The following KCTD4 variants were observed in gnomAD, a reference collection of about 807,000 sequenced individuals.
KCTD4 encodes potassium channel tetramerization domain containing 4, also known as BTB/POZ domain-containing protein KCTD4.
A neutral mutation model predicts 18.3 loss-of-function variants in KCTD4; 12 were observed. The observed-to-expected ratio is 0.66, with a 90% CI of 0.42 to 1.06. The LOEUF (loss-of-function observed/expected upper bound fraction) is 1.06. Ranked by LOEUF, KCTD4 falls within the 50% of genes least tolerant of loss-of-function variation. The probability of loss-of-function intolerance (pLI) is 0.00; values close to 1 mark genes in which losing one functional copy is unlikely to be tolerated. For synonymous variants in KCTD4, 124 were observed against 110.5 expected (o/e 1.12, Z -0.76); for missense variants, 250 against 303.4 (o/e 0.82, Z 1.31).
rs1368919391 is a variant in KCTD4, at chr13:45,193,496, T to C, written c.*292A>G. The C allele has an allele frequency of 7.1e-6, 2 of 282,894 alleles. No individual in the cohort carries two copies. The highest frequency in any genetic ancestry group is 1.3e-5 in the Non-Finnish European group (2 of 152,172). The allele number at this position is 282,894 out of a possible 1,614,324, so 17.5% of individuals were successfully genotyped here. On this transcript the variant is annotated 3_prime_UTR_variant, in exon 2 of 2. Transcript: ENST00000379108. ...GTGCAAATACCCAAGACAATCTGAA[T>C]TGAAAGACAGCTTAAGGACAAATAA...
chr13:45,199,061 A>G (rs925928284), intron 1 of KCTD4, among the ~76,000 whole-genome samples: 1 of 152,234 alleles, frequency 6.6e-6, no homozygotes, highest in Non-Finnish European at 1.5e-5. Context: ...CAGCCACTTT[A>G]TGTAACTGAT....
intron 1 of KCTD4, among the ~76,000 whole-genome samples, chr13:45,196,194 T>A (rs1384992219): frequency 6.6e-6 from 1 of 152,220 alleles, no homozygotes; most frequent in African/African-American, 2.4e-5. Context: ...ACTAGAAAAC[T>A]AAGGCATAAT....
rs1268046971 is a variant in KCTD4, at chr13:45,194,407, TACTTGGTC to T, written c.153_160del (p.Thr52ProfsTer6). The T allele has an allele frequency of 6.2e-7, 1 of 1,614,086 alleles. No homozygotes were observed. The highest frequency in any genetic ancestry group is 8.5e-7 in the Non-Finnish European group (1 of 1,180,034). On this transcript the variant is annotated frameshift_variant, in exon 2 of 2. Transcript: ENST00000379108. LOFTEE classifies it high-confidence loss of function. ...TATACCTTCAAGGAAAGTGTCTGGG[TACTTGGTC>T]AGTGTTTGTTTTTGAGTAATGTATA...
At position 45,195,679 on chromosome 13, in the gene KCTD4, G is replaced by A. The variant is rs565907614; in HGVS notation, c.-187-925C>T. ...TTTCCCCTATAACTTCCCTTCCAAA[G>A]CAATTTAGGGTTCTGAGGTTTCACT... On this transcript the variant is annotated intron_variant, in intron 1 of 1. Transcript: ENST00000379108. Among the ~76,000 whole-genome samples the A allele has an allele frequency of 2.3e-3, 343 of 152,162 alleles. 3 individuals carry two copies. The highest frequency in any genetic ancestry group is 0.022 in the South Asian group (105 of 4,824).
intron 1 of KCTD4, among the ~76,000 whole-genome samples, chr13:45,197,940 C>T (rs1872982943): frequency 6.6e-6 from 1 of 152,166 alleles, no homozygotes; most frequent in Non-Finnish European, 1.5e-5. Flanking sequence ...TCCACTTGGC[C>T]ACTAGATTTG....
chr13:45,194,176 T>A lies in KCTD4; in HGVS notation c.392A>T (p.Glu131Val), dbSNP rs1267424827. 5 of 1,614,036 alleles carry A rather than the reference T, an allele frequency of 3.1e-6. No individual in the cohort carries two copies. Among genetic ancestry groups the A allele is most frequent in the African/African-American group, 2.7e-5 (2 of 74,918 alleles). Reference sequence around the variant, plus strand: ...CTCTCTGGGTGTTAGCTGTTCTTTCTCCCACCTGGATTTCACTTCCTCTGC... The same window carrying A: ...CTCTCTGGGTGTTAGCTGTTCTTTCACCCACCTGGATTTCACTTCCTCTGC... ...GLAEEVKSRW[E>V]KEQLTPRETT... is the part of the protein sequence containing the mutation. Residue 131 changes from glutamate (E) to valine (V), a missense_variant, in exon 2 of 2, where the codon GAG becomes GTG. Transcript: ENST00000379108.
chr13:45,200,344 A>G (rs892479208), intron 1 of KCTD4, among the ~76,000 whole-genome samples: 1 of 152,160 alleles, frequency 6.6e-6, no homozygotes, highest in Admixed American at 6.6e-5. Flanking sequence ...ATTTTTTGAT[A>G]CAGGGTCTTG....
In KCTD4 at chr13:45,194,617, A is replaced by T; in HGVS notation, c.-50T>A. On this transcript the variant is annotated 5_prime_UTR_variant, in exon 2 of 2. Transcript: ENST00000379108. Reference sequence around the variant, plus strand: ...GTTCTTCTTGGCTTTGAGATTTTTTAAAAAGAGACACTACCACACAAGCAC... The same window carrying T: ...GTTCTTCTTGGCTTTGAGATTTTTTTAAAAGAGACACTACCACACAAGCAC... 1 of 1,507,508 alleles carries T rather than the reference A, an allele frequency of 6.6e-7. No homozygotes were observed. The highest frequency in any genetic ancestry group is 9.0e-7 in the Non-Finnish European group (1 of 1,106,388). 93.4% of individuals were successfully genotyped at this position (1,507,508 alleles called of 1,614,324 possible). A position where few individuals can be genotyped will look rare whatever the true frequency, so the allele number is the denominator to read the frequency against.
In KCTD4 at chr13:45,193,133, T is replaced by A. The variant is rs1462849596; in HGVS notation, c.*655A>T. On this transcript the variant is annotated 3_prime_UTR_variant, in exon 2 of 2. Transcript: ENST00000379108. ...CAGTGCTTTTATTTACTTTTTATTG[T>A]CATCAAGCAGTTTTCTAGGAATTTT... 1.3e-5 allele frequency: 2 copies of A among 152,244 alleles called. No homozygotes were observed. The highest frequency in any genetic ancestry group is 4.8e-5 in the African/African-American group (2 of 41,462). The allele number at this position is 152,244 out of a possible 1,614,324, so 9.4% of individuals were successfully genotyped here.
rs533478138 is a variant in KCTD4, at chr13:45,193,923, G to A, written c.645C>T (p.Thr215=). The change falls in exon 2 of 2, where the codon ACC becomes ACT. Residue 215 remains threonine, a synonymous_variant. Coordinates refer to ENST00000379108, the MANE Select transcript of KCTD4 (RefSeq NM_198404.3). ...GTRLVLKEDN[T]FVCTLETLKF... ...TAAGAGTTTCCAAGGTACAGACAAA[G>A]GTGTTGTCTTCCTTTAGTACAAGTC... is the stretch of plus-strand genomic sequence containing the variant. 1.7e-4 allele frequency: 275 copies of A among 1,614,040 alleles called. 5 individuals are homozygous for A. In the Admixed American group the frequency reaches 4.5e-3, roughly 27 times the overall value.
intron 1 of KCTD4, among the ~76,000 whole-genome samples, chr13:45,195,861 G>T (rs1198147910): frequency 6.6e-6 from 1 of 152,108 alleles, no homozygotes; most frequent in African/African-American, 2.4e-5. Flanking sequence ...TTGCCATGTT[G>T]CCCAGACGGG....
intron 1 of KCTD4, among the ~76,000 whole-genome samples, chr13:45,200,046 G>A (rs1391716938): frequency 1.3e-5 from 2 of 151,624 alleles, no homozygotes; most frequent in African/African-American, 4.9e-5. Flanking sequence ...CTATAACTGA[G>A]GTACATCTTA....
Position 45,193,866 on chromosome 13 carries a change from A to C in KCTD4, c.702T>G (p.Cys234Trp). ...KFEAIMMALK[C>W]GFRLLTSLDC... ...CCAGGCTGGTCAGCAGTCTAAAGCC[A>C]CACTTTAAAGCCATCATGATAGCCT... The change falls in exon 2 of 2, where the codon TGT becomes TGG. Residue 234 changes from cysteine (C) to tryptophan (W), a missense_variant. By Grantham distance (215) the Cys-to-Trp change is radical. Coordinates refer to ENST00000379108, the MANE Select transcript of KCTD4 (RefSeq NM_198404.3). 2 of 1,614,144 alleles carry C rather than the reference A, an allele frequency of 1.2e-6. No individual in the cohort carries two copies. The highest frequency in any genetic ancestry group is 1.7e-6 in the Non-Finnish European group (2 of 1,179,988).
chr13:45,200,643 A>C (rs1873136524), intron 1 of KCTD4, among the ~76,000 whole-genome samples, 181 bp downstream of exon 1: 1 of 152,202 alleles, frequency 6.6e-6, no homozygotes, highest in African/African-American at 2.4e-5. Context: ...ACAAGTAAAG[A>C]GCAGCTTTTT....
chr13:45,197,386 G>C lies in KCTD4; in HGVS notation c.-187-2632C>G, dbSNP rs1418871881. ...AGCTGGGGTGTGTTGGTGTATGTCT[G>C]TAGTCCCAGTTACTTGGGAGGCTGA... On this transcript the variant is annotated intron_variant, in intron 1 of 1. Transcript: ENST00000379108. Among the ~76,000 whole-genome samples, 4 of 151,094 alleles carry C rather than the reference G, an allele frequency of 2.6e-5. No individual in the cohort carries two copies. In the East Asian group the frequency reaches 7.8e-4, roughly 30 times the overall value.
intron 1 of KCTD4, among the ~76,000 whole-genome samples, chr13:45,200,237 G>T (rs1446297320): frequency 6.6e-6 from 1 of 152,032 alleles, no homozygotes; most frequent in Non-Finnish European, 1.5e-5. Flanking sequence ...AAAGAATTTT[G>T]CAGGGAGATG....
At chr13:45,197,287 A>G (rs576789823) in intron 1 of KCTD4, among the ~76,000 whole-genome samples, 19 of 151,306 alleles carry the variant, frequency 1.3e-4, no homozygotes, top group African/African-American at 4.6e-4. Context: ...ACTTGAGGCC[A>G]GGAGTTTGAG....
chr13:45,196,535 G>A (rs17066512), intron 1 of KCTD4, among the ~76,000 whole-genome samples: 1,815 of 152,294 alleles, frequency 0.012, 30 homozygotes, highest in African/African-American at 0.037. Context: ...ATTACAAATA[G>A]TCACTGCACA....
At chr13:45,200,518 G>C (rs112579122) in intron 1 of KCTD4, among the ~76,000 whole-genome samples, 1 of 152,176 alleles carries the variant, frequency 6.6e-6, no homozygotes, top group Admixed American at 6.5e-5. Flanking sequence ...TTGTTGCCCA[G>C]GCTGGGCTCA....
Sources: gnomAD v4.1 joint callset for allele counts (sites outside exome capture counted in the v4.1 genomes callset) on GRCh38, gnomAD v4.1.1 for gene constraint, MANE v1.5 for transcripts, NCBI Gene and HGNC (gene_info 2026-07-23, HGNC 2026-07-21) for gene names.